The following WDR70 variants were observed in gnomAD, a reference collection of about 807,000 sequenced individuals.
WDR70 encodes the protein WD repeat domain 70, also known as WD repeat-containing protein 70.
A neutral mutation model predicts 88.6 loss-of-function variants in WDR70; 53 were observed. The observed-to-expected ratio is 0.60, with a 90% confidence interval of 0.48 to 0.75. The LOEUF is 0.75. Among genes scored for constraint, WDR70 ranks in the 30% least tolerant of loss-of-function variants. WDR70 has a pLI of 0.00. For missense variants in WDR70, 610 were observed against 823.2 expected (o/e 0.74, Z 3.17); for synonymous variants, 280 against 270.0 (o/e 1.04, Z -0.36).
intron 10 of WDR70, among the ~76,000 whole-genome samples, chr5:37,622,138 C>T (rs1428243446): frequency 6.6e-6 from 1 of 152,002 alleles, no homozygotes; most frequent in Non-Finnish European, 1.5e-5. Context: ...GTAGCCAAAA[C>T]AGCGGCTCAT....
At chr5:37,708,934 A>G (rs945809523) in intron 13 of WDR70, among the ~76,000 whole-genome samples, 1 of 152,208 alleles carries the variant, frequency 6.6e-6, no homozygotes, top group African/African-American at 2.4e-5. Context: ...TTCATTTCAT[A>G]CTGGGAATAG....
chr5:37,721,482 A>G, intron 14 of WDR70: 1 of 484,256 alleles, frequency 2.1e-6, no homozygotes, highest in South Asian at 2.6e-5. Flanking sequence ...AGGGGGAAAA[A>G]CGTTCTGCCC....
In WDR70 at chr5:37,581,440, C is replaced by T. The variant is rs192593232; in HGVS notation, c.918-23624C>T. ...TTGTTCAATATCACCAGTTAGGAGACAGGAGTTAAAAACAGGCAAAATGAC... is the reference window on the plus strand; with the variant it reads ...TTGTTCAATATCACCAGTTAGGAGATAGGAGTTAAAAACAGGCAAAATGAC... On this transcript the variant is annotated intron_variant, in intron 9 of 17. Coordinates refer to ENST00000265107, the MANE Select transcript of WDR70 (RefSeq NM_018034.4). Among the ~76,000 whole-genome samples, 8 of 152,154 alleles carry T rather than the reference C, an allele frequency of 5.3e-5. No homozygotes were observed. The East Asian group carries it at 7.7e-4, about 15-fold the overall frequency.
intron 5 of WDR70, among the ~76,000 whole-genome samples, chr5:37,415,180 T>C (rs1368861039): frequency 6.6e-6 from 1 of 151,570 alleles, no homozygotes; most frequent in Non-Finnish European, 1.5e-5. Context: ...CCATGTCTAC[T>C]TCTTTCTACA....
intron 5 of WDR70, among the ~76,000 whole-genome samples, chr5:37,417,566 T>G: frequency 6.7e-6 from 1 of 149,144 alleles, no homozygotes. Context: ...AGAGACAGCG[T>G]ATTGCTCTGT....
intron 8 of WDR70, among the ~76,000 whole-genome samples, chr5:37,497,497 C>A (rs1450716232): frequency 7.3e-6 from 1 of 136,558 alleles, no homozygotes; most frequent in Non-Finnish European, 1.6e-5. Flanking sequence ...TCCCTTCCCT[C>A]TTCCCGTCTC....
At chr5:37,705,640 TAAA>T (rs200037162) in intron 13 of WDR70, among the ~76,000 whole-genome samples, 1 of 144,122 alleles carries the variant, frequency 6.9e-6, no homozygotes. Context: ...TCTTGGAATG[TAAA>T]AAAAAAAAAA....
At chr5:37,718,903 T>C (rs1274646544) in intron 13 of WDR70, among the ~76,000 whole-genome samples, 3 of 152,090 alleles carry the variant, frequency 2.0e-5, no homozygotes, top group Admixed American at 6.6e-5. Context: ...ACAATCAGCA[T>C]CATTAATAAA....
intron 9 of WDR70, among the ~76,000 whole-genome samples, chr5:37,547,687 T>C (rs953320780): frequency 1.3e-5 from 2 of 152,150 alleles, no homozygotes; most frequent in Non-Finnish European, 2.9e-5. Flanking sequence ...ATTAAATGAT[T>C]ATTGACTATA....
chr5:37,546,657 G>A (rs1176227484), intron 9 of WDR70, among the ~76,000 whole-genome samples: 4 of 152,236 alleles, frequency 2.6e-5, no homozygotes, highest in South Asian at 4.2e-4. Flanking sequence ...GGTGGCTCAC[G>A]CCTGTAATCC....
chr5:37,677,037 A>G (rs577600567), intron 10 of WDR70, among the ~76,000 whole-genome samples: 10 of 152,300 alleles, frequency 6.6e-5, no homozygotes, highest in African/African-American at 2.4e-4. Context: ...TGTTTGTAGT[A>G]TTCTCTGATG....
chr5:37,566,026 A>G (rs1187532330), intron 9 of WDR70, among the ~76,000 whole-genome samples: 3 of 152,110 alleles, frequency 2.0e-5, no homozygotes, highest in African/African-American at 7.2e-5. Flanking sequence ...GTTTTTTAGT[A>G]TACTCACAGA....
At chr5:37,462,419 T>C (rs1581303678) in intron 7 of WDR70, among the ~76,000 whole-genome samples, 1 of 152,090 alleles carries the variant, frequency 6.6e-6, no homozygotes, top group Non-Finnish European at 1.5e-5. Flanking sequence ...TCTCCTGCCT[T>C]AGCCTCCTGA....
rs141837166 is a variant in WDR70 at position 37,696,398 on chromosome 5, C to A, written c.1093-1257C>A. Among the ~76,000 whole-genome samples the A allele has an allele frequency of 5.9e-5, 9 of 152,156 alleles. No individual in the cohort carries two copies. In the East Asian group the frequency reaches 1.7e-3, roughly 29 times the overall value. On this transcript the variant is annotated intron_variant, in intron 10 of 17. Coordinates refer to ENST00000265107, the MANE Select transcript of WDR70 (RefSeq NM_018034.4). ...ATTACTGGATTTTTTTAGGTGTAAG[C>A]CCAGGGATTGGGTGTCAGGGATATT...
chr5:37,499,771 T>C (rs2112216201), intron 8 of WDR70, among the ~76,000 whole-genome samples: 1 of 152,138 alleles, frequency 6.6e-6, no homozygotes, highest in Middle Eastern at 3.4e-3. Flanking sequence ...CAGGCTGGTC[T>C]TGAACTCCTG....
At position 37,622,848 on chromosome 5, in the gene WDR70, A is replaced by G. The variant is rs1342128232; in HGVS notation, c.1092+17610A>G. Among the ~76,000 whole-genome samples the G allele has an allele frequency of 2.0e-5, 3 of 149,906 alleles. No individual in the cohort carries two copies. In the East Asian group the frequency reaches 6.9e-4, roughly 35 times the overall value. On this transcript the variant is annotated intron_variant, in intron 10 of 17. Transcript: ENST00000265107. ...ATGGCACATGTATACGTATGTAACTAACCTGCACGTTGTGCACATGTACCC... is the reference window on the plus strand; with the variant it reads ...ATGGCACATGTATACGTATGTAACTGACCTGCACGTTGTGCACATGTACCC...
chr5:37,666,792 G>A (rs1745854859), intron 10 of WDR70, among the ~76,000 whole-genome samples: 1 of 152,158 alleles, frequency 6.6e-6, no homozygotes, highest in Non-Finnish European at 1.5e-5. Flanking sequence ...GGGACACACT[G>A]CTTGGGTTCA....
At chr5:37,554,651 CAT>C (rs1175062024) in intron 9 of WDR70, among the ~76,000 whole-genome samples, 8 of 147,808 alleles carry the variant, frequency 5.4e-5, no homozygotes, top group Non-Finnish European at 8.9e-5. Context: ...CACACACACA[CAT>C]ACTCACACAC....
rs988222372 is a variant in WDR70 at position 37,727,140 on chromosome 5, T to C, written c.1877+95T>C. 1.9e-5 allele frequency: 27 copies of C among 1,438,376 alleles called. No homozygotes were observed. The South Asian group carries it at 3.6e-4, about 19-fold the overall frequency. 89.1% of individuals were successfully genotyped at this position (1,438,376 alleles called of 1,614,324 possible). The stretch of plus-strand genomic sequence containing the variant: ...GTTTTTGAGTTCTAACTTCTCTATT[T>C]CTTATTTCATACTTAGATATGAAAA... On this transcript the variant is annotated intron_variant, in intron 17 of 17. Coordinates refer to ENST00000265107, the MANE Select transcript of WDR70 (RefSeq NM_018034.4).
Sources: allele counts gnomAD v4.1 joint callset (sites outside exome capture counted in the v4.1 genomes callset), GRCh38; gene constraint gnomAD v4.1.1; transcripts MANE v1.5; gene names NCBI Gene and HGNC (gene_info 2026-07-23, HGNC 2026-07-21).